CEP83: variants seen among roughly 807,000 people sequenced by gnomAD.
CEP83 encodes the protein centrosomal protein of 83 kDa.
CEP83 carries 70 observed loss-of-function variants against 101.9 expected under a neutral mutation model. The observed-to-expected ratio is 0.69, with a 90% CI of 0.57 to 0.84. The LOEUF (loss-of-function observed/expected upper bound fraction) is 0.84, where lower values mean the gene tolerates loss of function less well. CEP83 is among the 40% of genes least tolerant of loss of function. The probability of loss-of-function intolerance (pLI) is 0.00; values close to 1 mark genes in which losing one functional copy is unlikely to be tolerated. For missense variants in CEP83, 715 were observed against 787.2 expected (o/e 0.91, Z 1.10); for synonymous variants, 264 against 267.9 (o/e 0.99, Z 0.14).
intron 8 of CEP83, among the ~76,000 whole-genome samples, chr12:94,373,591 C>T (rs1431924851): frequency 6.6e-6 from 1 of 152,106 alleles, no homozygotes; most frequent in Non-Finnish European, 1.5e-5. Context: ...CTTAAAACTA[C>T]CTTTTATTGG....
chr12:94,268,085 C>T, the CEP83 span, among the ~76,000 whole-genome samples: 1 of 152,134 alleles, frequency 6.6e-6, no homozygotes, highest in Non-Finnish European at 1.5e-5. Flanking sequence ...ATGACAGAAC[C>T]TGGTGCCAAG....
At chr12:94,334,979 T>A (rs2059391125) in intron 12 of CEP83, among the ~76,000 whole-genome samples, 1 of 151,968 alleles carries the variant, frequency 6.6e-6, no homozygotes, top group African/African-American at 2.4e-5. Flanking sequence ...TAACTGCACA[T>A]GAAAAGCAGT....
At chr12:94,424,540 T>C in intron 2 of CEP83, 2 of 1,613,416 alleles carry the variant, frequency 1.2e-6, no homozygotes, top group Non-Finnish European at 1.7e-6. Flanking sequence ...CCATTGACAG[T>C]GGGAGGTTTG....
intron 1 of CEP83, among the ~76,000 whole-genome samples, chr12:94,449,109 T>C (rs1277262038): frequency 6.6e-6 from 1 of 151,698 alleles, no homozygotes; most frequent in East Asian, 1.9e-4. Flanking sequence ...GGAAAATTAT[T>C]GCCAACCTTA....
chr12:94,390,705 ATC>A (rs1168832900), intron 6 of CEP83, among the ~76,000 whole-genome samples: 1 of 152,238 alleles, frequency 6.6e-6, no homozygotes, highest in Non-Finnish European at 1.5e-5. Flanking sequence ...GTTCGAACCC[ATC>A]GCAAGGAAGC....
chr12:94,448,311 A>T (rs919831013), intron 1 of CEP83, among the ~76,000 whole-genome samples: 1 of 152,164 alleles, frequency 6.6e-6, no homozygotes, highest in East Asian at 1.9e-4. Context: ...CATGAAGCAA[A>T]AAAAGAGATA....
At chr12:94,381,499 G>GGAATAGT (rs2061847332) in intron 6 of CEP83, among the ~76,000 whole-genome samples, 2 of 152,096 alleles carry the variant, frequency 1.3e-5, no homozygotes, top group Admixed American at 6.6e-5. Context: ...ATAGGGACTA[G>GGAATAGT]GAATAGTGAC....
intron 11 of CEP83, among the ~76,000 whole-genome samples, chr12:94,362,078 A>G (rs975606119): frequency 6.6e-6 from 1 of 152,206 alleles, no homozygotes; most frequent in East Asian, 1.9e-4. Flanking sequence ...AAAAGCCCCA[A>G]GTAATTTCAT....
the CEP83 span, among the ~76,000 whole-genome samples, chr12:94,281,279 C>CA: frequency 1.2e-3 from 180 of 150,754 alleles, 2 homozygotes; most frequent in East Asian, 0.026. Flanking sequence ...ACCCTGTCTC[C>CA]AAAAAAAACA....
intron 6 of CEP83, among the ~76,000 whole-genome samples, chr12:94,389,958 G>A (rs920359347): frequency 7.2e-5 from 11 of 152,310 alleles, no homozygotes; most frequent in African/African-American, 2.4e-4. Context: ...TAAACAAAAC[G>A]GCCAGGAAGC....
intron 11 of CEP83, among the ~76,000 whole-genome samples, chr12:94,348,608 C>T (rs1189172536): frequency 2.6e-5 from 4 of 152,006 alleles, no homozygotes; most frequent in African/African-American, 4.8e-5. Flanking sequence ...GAGCACTTCC[C>T]GAAGCCAAAC....
chr12:94,293,652 T>G, the CEP83 span, among the ~76,000 whole-genome samples: 5 of 152,194 alleles, frequency 3.3e-5, no homozygotes, highest in African/African-American at 1.2e-4. Context: ...AAGGTCTCAC[T>G]CTGTCGCCCA....
the CEP83 span, among the ~76,000 whole-genome samples, chr12:94,295,577 C>T: frequency 1.3e-5 from 2 of 152,162 alleles, no homozygotes; most frequent in East Asian, 3.8e-4. Context: ...CTGAGAGCCA[C>T]CGTCTTACAC....
intron 11 of CEP83, among the ~76,000 whole-genome samples, chr12:94,360,165 C>T (rs2060678318): frequency 6.6e-6 from 1 of 152,004 alleles, no homozygotes; most frequent in Non-Finnish European, 1.5e-5. Flanking sequence ...CCACAACTAA[C>T]ATCATACTGA....
chr12:94,276,022 C>T, the CEP83 span, among the ~76,000 whole-genome samples: 1 of 152,146 alleles, frequency 6.6e-6, no homozygotes, highest in Non-Finnish European at 1.5e-5. Flanking sequence ...GCTGTGGAGG[C>T]AGTGGCAGAT....
chr12:94,443,738 T>C (rs1031731737), intron 1 of CEP83, among the ~76,000 whole-genome samples: 1 of 152,046 alleles, frequency 6.6e-6, no homozygotes, highest in African/African-American at 2.4e-5. Flanking sequence ...CCACCCACCT[T>C]GGCCTCGCAA....
intron 1 of CEP83, among the ~76,000 whole-genome samples, chr12:94,443,230 A>G (rs545466226): frequency 3.3e-5 from 5 of 152,220 alleles, no homozygotes; most frequent in Admixed American, 6.5e-5. Context: ...GCTAGAGTCA[A>G]TTAAGTTTAC....
intron 2 of CEP83, among the ~76,000 whole-genome samples, chr12:94,426,868 A>AAGG (rs2065242265): frequency 3.9e-5 from 6 of 152,204 alleles, no homozygotes; most frequent in Admixed American, 3.3e-4. Context: ...ACCTACAGCC[A>AAGG]CAAAAAGCTG....
intron 2 of CEP83, among the ~76,000 whole-genome samples, chr12:94,422,639 C>G (rs1306208077): frequency 6.6e-6 from 1 of 152,216 alleles, no homozygotes; most frequent in Non-Finnish European, 1.5e-5. Context: ...CCACAAGAGG[C>G]AACCACTTTT....
Sources: gnomAD v4.1 joint callset for allele counts (sites outside exome capture counted in the v4.1 genomes callset) on GRCh38, gnomAD v4.1.1 for gene constraint, MANE v1.5 for transcripts, NCBI Gene and HGNC (gene_info 2026-07-23, HGNC 2026-07-21) for gene names.